Variants in RMDN1 observed in about 807,000 individuals in gnomAD.
RMDN1 encodes regulator of microtubule dynamics 1.
RMDN1 carries 48 observed loss-of-function variants against 48.9 expected under a neutral mutation model. The ratio of observed to expected loss-of-function variants is 0.98; its 90% CI spans 0.78 to 1.25. RMDN1 has a LOEUF of 1.25. RMDN1 is among the 50% of genes most tolerant of loss of function. The pLI, the probability that RMDN1 is intolerant of heterozygous loss-of-function variation, is 0.00. For missense variants in RMDN1, 418 were observed against 373.4 expected, an observed-to-expected ratio of 1.12 and a Z score of -0.98; for synonymous variants, 148 against 132.6, an observed-to-expected ratio of 1.12 and a Z score of -0.80.
intron 1 of RMDN1, among the ~76,000 whole-genome samples, chr8:86,507,361 T>TA (rs1254627220): frequency 6.6e-6 from 1 of 152,204 alleles, no homozygotes; most frequent in Non-Finnish European, 1.5e-5. Flanking sequence ...AGCTACAACT[T>TA]ATTTGCTACA....
At chr8:86,494,257 G>A (rs1266369591) in intron 2 of RMDN1, among the ~76,000 whole-genome samples, 2 of 152,164 alleles carry the variant, frequency 1.3e-5, no homozygotes, top group African/African-American at 2.4e-5. Flanking sequence ...CTGGAAAGTG[G>A]CATAAAAACT....
chr8:86,509,248 G>A (rs1188632844), upstream of RMDN1, among the ~76,000 whole-genome samples: 1 of 152,118 alleles, frequency 6.6e-6, no homozygotes, highest in Non-Finnish European at 1.5e-5. Flanking sequence ...CTCTGGAAAG[G>A]ATACTGATGC....
chr8:86,504,028 C>G (rs1818854965), intron 2 of RMDN1: 2 of 792,898 alleles, frequency 2.5e-6, no homozygotes, highest in South Asian at 2.7e-5. Flanking sequence ...TACTGCCCTG[C>G]AGGGTACCTT....
chr8:86,503,903 G>C, intron 2 of RMDN1: 2 of 699,048 alleles, frequency 2.9e-6, no homozygotes, highest in Non-Finnish European at 5.4e-6. Context: ...TGCCTTATGG[G>C]ATTGTGTAAA....
intron 2 of RMDN1, among the ~76,000 whole-genome samples, chr8:86,503,385 A>AAAAAAAAAAAAAC (rs1554594088): frequency 3.7e-5 from 3 of 81,060 alleles, no homozygotes; most frequent in African/African-American, 1.4e-4. Context: ...AAAAAAAAAA[A>AAAAAAAAAAAAAC]AAAACAAAAA....
intron 1 of RMDN1, chr8:86,514,094 T>A (rs1820187331): frequency 4.5e-6 from 1 of 224,220 alleles, no homozygotes; most frequent in Non-Finnish European, 7.5e-6. Context: ...GCACAAGCCA[T>A]CCTCCCACCT....
At chr8:86,484,671 T>A in intron 5 of RMDN1, 1 of 350,598 alleles carries the variant, frequency 2.9e-6, no homozygotes, top group Non-Finnish European at 5.0e-6. Flanking sequence ...TGAGCTGAGA[T>A]AGCACCATTG....
chr8:86,504,893 C>T, intron 2 of RMDN1: 1 of 1,105,432 alleles, frequency 9.0e-7, no homozygotes, highest in Admixed American at 1.7e-5. Flanking sequence ...CCAGCTTCCT[C>T]ATCACCTTCT....
chr8:86,492,803 C>A, intron 2 of RMDN1, among the ~76,000 whole-genome samples: 1 of 151,748 alleles, frequency 6.6e-6, no homozygotes, highest in East Asian at 1.9e-4. Flanking sequence ...ATCCTATAAT[C>A]CCATCCAACT....
At chr8:86,483,247 T>C (rs1814871703) in intron 5 of RMDN1, among the ~76,000 whole-genome samples, 1 of 152,240 alleles carries the variant, frequency 6.6e-6, no homozygotes, top group Non-Finnish European at 1.5e-5. Flanking sequence ...AAAGCTTATA[T>C]AAAACATTGT....
intron 5 of RMDN1, among the ~76,000 whole-genome samples, chr8:86,483,396 T>C (rs1443300604): frequency 1.3e-5 from 2 of 152,196 alleles, no homozygotes; most frequent in East Asian, 3.8e-4. Context: ...AATTAAGCAA[T>C]TTATCTAATG....
intron 2 of RMDN1, among the ~76,000 whole-genome samples, chr8:86,503,385 A>AAAAACAAAACAAAAAAAAAAAAAC (rs1563656676): frequency 2.5e-5 from 2 of 81,084 alleles, no homozygotes; most frequent in Non-Finnish European, 4.6e-5. Flanking sequence ...AAAAAAAAAA[A>AAAAACAAAACAAAAAAAAAAAAAC]AAAACAAAAA....
chr8:86,477,644 AT>A (rs1225296811), intron 7 of RMDN1, among the ~76,000 whole-genome samples: 1 of 152,240 alleles, frequency 6.6e-6, no homozygotes, highest in Non-Finnish European at 1.5e-5. Flanking sequence ...CTCTTAAATC[AT>A]AACTAGTGAT....
At chr8:86,510,041 GAAAAA>G (rs556884811), upstream of RMDN1, among the ~76,000 whole-genome samples, 1 of 150,730 alleles carries the variant, frequency 6.6e-6, no homozygotes, top group Admixed American at 6.6e-5. Flanking sequence ...TTTTAGCTTT[GAAAAA>G]AAAATTAGAT....
Position 86,484,416 on chromosome 8 carries a change from G to A in RMDN1, c.585+456C>T, listed in dbSNP as rs556020330. ...CTGCGCTCAGTTAACCCAAAGAATT[G>A]CAAGAAATAACAAACTGTCGGCTGG... On this transcript the variant is annotated intron_variant, in intron 5 of 9. Coordinates refer to ENST00000406452, the MANE Select transcript of RMDN1 (RefSeq NM_016033.3). Among the ~76,000 whole-genome samples the A allele has an allele frequency of 3.3e-5, 5 of 152,194 alleles. No homozygotes were observed. The South Asian group carries it at 1.0e-3, about 32-fold the overall frequency.
At chr8:86,508,184 T>A in intron 1 of RMDN1, 1 of 329,874 alleles carries the variant, frequency 3.0e-6, no homozygotes, top group Non-Finnish European at 5.5e-6. Context: ...ACAGGGAGAA[T>A]AATTTCACAG....
intron 2 of RMDN1, among the ~76,000 whole-genome samples, chr8:86,506,073 T>TC: frequency 6.6e-6 from 1 of 152,234 alleles, no homozygotes; most frequent in African/African-American, 2.4e-5. Context: ...GAAAGCTTGT[T>TC]CCCCCTCACT....
chr8:86,485,423 TAAAACAAAAC>T (rs902195200), intron 4 of RMDN1, among the ~76,000 whole-genome samples: 13 of 152,046 alleles, frequency 8.6e-5, no homozygotes, highest in African/African-American at 2.9e-4. Flanking sequence ...AGACTATGTC[TAAAACAAAAC>T]AAAACAAAAC....
chr8:86,505,752 G>C (rs1377109645), intron 2 of RMDN1, among the ~76,000 whole-genome samples: 1 of 152,162 alleles, frequency 6.6e-6, no homozygotes, highest in African/African-American at 2.4e-5. Context: ...ATGCTGGGGA[G>C]GTTAGCGTGC....
Sources: gnomAD v4.1 joint callset for allele counts (sites outside exome capture counted in the v4.1 genomes callset) on GRCh38, gnomAD v4.1.1 for gene constraint, MANE v1.5 for transcripts, NCBI Gene and HGNC (gene_info 2026-07-23, HGNC 2026-07-21) for gene names.